HDAC9: variants seen among roughly 807,000 people sequenced by gnomAD.
HDAC9 encodes MEF-2 interacting transcription repressor (MITR) protein.
HDAC9 carries 41 observed loss-of-function variants against 139.4 expected under a neutral mutation model. The ratio of observed to expected loss-of-function variants is 0.29; its 90% confidence interval spans 0.23 to 0.38. HDAC9 has a LOEUF of 0.38. Among genes scored for constraint, HDAC9 ranks in the 10% least tolerant of loss-of-function variants. HDAC9 has a pLI of 1.00. For synonymous variants in HDAC9, 517 were observed against 476.2 expected, an observed-to-expected ratio of 1.09 and a Z score of -1.12; for missense variants, 1,147 against 1,297.0, an observed-to-expected ratio of 0.88 and a Z score of 1.78.
At chr7:18,517,323 C>T (rs553549898) in intron 2 of HDAC9, among the ~76,000 whole-genome samples, 4 of 152,218 alleles carry the variant, frequency 2.6e-5, no homozygotes, top group South Asian at 2.1e-4. Flanking sequence ...TATGAAAATG[C>T]GTTCTGAGGA....
intron 2 of HDAC9, among the ~76,000 whole-genome samples, chr7:18,169,856 T>C (rs1788287974): frequency 6.6e-6 from 1 of 152,210 alleles, no homozygotes; most frequent in Admixed American, 6.5e-5. Context: ...ATCCAGTCTA[T>C]CATTGATGGA....
intron 1 of HDAC9, among the ~76,000 whole-genome samples, chr7:18,150,443 A>G (rs1423262826): frequency 1.3e-5 from 2 of 152,198 alleles, no homozygotes; most frequent in Admixed American, 6.5e-5. Flanking sequence ...GACAAAGTGA[A>G]TTGCATACAC....
intron 2 of HDAC9, among the ~76,000 whole-genome samples, chr7:18,259,995 C>T (rs937557589): frequency 6.6e-6 from 1 of 152,172 alleles, no homozygotes; most frequent in Non-Finnish European, 1.5e-5. Context: ...CTTATATTCC[C>T]ACAATAGTAT....
At chr7:18,403,259 A>G (rs1787705310) in intron 1 of HDAC9, among the ~76,000 whole-genome samples, 1 of 152,210 alleles carries the variant, frequency 6.6e-6, no homozygotes, top group Non-Finnish European at 1.5e-5. Context: ...ATAGAAACAT[A>G]TCCAAGATAT....
chr7:18,843,998 C>T (rs913708213), intron 21 of HDAC9, among the ~76,000 whole-genome samples: 16 of 152,134 alleles, frequency 1.1e-4, no homozygotes, highest in Admixed American at 2.0e-4. Flanking sequence ...GAGAGTAGTT[C>T]AAGTCTTTGC....
At chr7:18,775,973 T>C (rs930476480) in intron 16 of HDAC9, among the ~76,000 whole-genome samples, 2 of 152,004 alleles carry the variant, frequency 1.3e-5, no homozygotes, top group Non-Finnish European at 2.9e-5. Flanking sequence ...GCTCTGTTGC[T>C]CAGGTGGGAG....
intron 7 of HDAC9, among the ~76,000 whole-genome samples, chr7:18,632,350 A>G (rs1008367561): frequency 6.6e-6 from 1 of 152,096 alleles, no homozygotes; most frequent in Non-Finnish European, 1.5e-5. Context: ...TTAACCTCAC[A>G]TTCTTTCCAG....
At chr7:18,629,642 C>G (rs2128974657) in intron 7 of HDAC9, among the ~76,000 whole-genome samples, 161 bp downstream of exon 7, 1 of 152,212 alleles carries the variant, frequency 6.6e-6, no homozygotes, top group African/African-American at 2.4e-5. Context: ...ATAAACCTTG[C>G]TATGCATTCA....
chr7:18,837,562 T>C (rs1485512256), intron 21 of HDAC9, among the ~76,000 whole-genome samples: 2 of 152,086 alleles, frequency 1.3e-5, no homozygotes, highest in Non-Finnish European at 2.9e-5. Flanking sequence ...TTCTCAACCT[T>C]ACTATCTCAT....
At chr7:18,968,958 CAAAAAAA>C (rs34379636) in intron 24 of HDAC9, among the ~76,000 whole-genome samples, 4 of 45,182 alleles carry the variant, frequency 8.9e-5, no homozygotes, top group South Asian at 1.6e-3. Context: ...GCCTCCCTCT[CAAAAAAA>C]AAAAAAAAAA....
intron 1 of HDAC9, among the ~76,000 whole-genome samples, chr7:18,372,505 T>A (rs1420941005): frequency 1.3e-5 from 2 of 152,222 alleles, no homozygotes; most frequent in East Asian, 3.8e-4. Context: ...ATGAAGACTA[T>A]GACCCTTTAA....
At chr7:18,447,763 A>G (rs1022496992) in intron 1 of HDAC9, among the ~76,000 whole-genome samples, 12 of 152,196 alleles carry the variant, frequency 7.9e-5, no homozygotes, top group African/African-American at 2.9e-4. Flanking sequence ...TATGAATTTG[A>G]TTGCTTAAAA....
chr7:18,829,081 T>C (rs920541627), intron 17 of HDAC9, 80 bp from the exon 18 acceptor site: 9 of 955,602 alleles, frequency 9.4e-6, no homozygotes, highest in Non-Finnish European at 1.2e-5. Flanking sequence ...TGAGGCACTG[T>C]TGTGCCTGGA....
At chr7:18,385,013 A>G (rs1219127373) in intron 1 of HDAC9, among the ~76,000 whole-genome samples, 2 of 152,126 alleles carry the variant, frequency 1.3e-5, no homozygotes, top group African/African-American at 4.8e-5. Context: ...CAAATGTGAG[A>G]CTCTGCCTGA....
At chr7:18,913,311 T>C (rs1489274994) in intron 22 of HDAC9, among the ~76,000 whole-genome samples, 2 of 152,090 alleles carry the variant, frequency 1.3e-5, no homozygotes, top group Non-Finnish European at 2.9e-5. Flanking sequence ...AACTACTTGA[T>C]GCACAAATGT....
intron 2 of HDAC9, among the ~76,000 whole-genome samples, chr7:18,269,189 A>G (rs377439510): frequency 2.0e-5 from 3 of 152,198 alleles, no homozygotes; most frequent in Admixed American, 6.6e-5. Flanking sequence ...ATACACACAT[A>G]TATACATACA....
At chr7:18,991,443 C>T (rs1236649296) in intron 25 of HDAC9, among the ~76,000 whole-genome samples, 1 of 152,160 alleles carries the variant, frequency 6.6e-6, no homozygotes, top group African/African-American at 2.4e-5. Context: ...CAAGACCATC[C>T]TGGCTAACAC....
At chr7:18,128,394 CATCTCTCTGAAT>C (rs1224593208) in intron 1 of HDAC9, among the ~76,000 whole-genome samples, 2 of 152,038 alleles carry the variant, frequency 1.3e-5, no homozygotes, top group Non-Finnish European at 2.9e-5. Context: ...TGGCTCCTTT[CATCTCTCTGAAT>C]CTTGGCTTTG....
At chr7:18,189,943 G>GTGTGTGTGTT (rs1246312323) in intron 2 of HDAC9, among the ~76,000 whole-genome samples, 1 of 151,998 alleles carries the variant, frequency 6.6e-6, no homozygotes, top group African/African-American at 2.4e-5. Context: ...GTGTGTGTGT[G>GTGTGTGTGTT]TGTGTGTACG....
Sources: allele counts gnomAD v4.1 joint callset (sites outside exome capture counted in the v4.1 genomes callset), GRCh38; gene constraint gnomAD v4.1.1; transcripts MANE v1.5; gene names NCBI Gene and HGNC (gene_info 2026-07-23, HGNC 2026-07-21).